MYH11: variants seen among roughly 807,000 people sequenced by gnomAD.
MYH11 encodes the protein myosin-11.
MYH11 carries 80 observed loss-of-function variants against 246.6 expected under a neutral mutation model. The observed-to-expected ratio is 0.32, with a 90% CI of 0.27 to 0.39. The LOEUF is 0.39. Among genes scored for constraint, MYH11 ranks in the 10% least tolerant of loss-of-function variants. MYH11 has a pLI of 1.00. For missense variants in MYH11, 2,158 were observed against 2,546.8 expected, an observed-to-expected ratio of 0.85 and a Z score of 3.29; for synonymous variants, 1,071 against 1,015.5, an observed-to-expected ratio of 1.05 and a Z score of -1.04.
intron 1 of MYH11, among the ~76,000 whole-genome samples, chr16:15,843,507 G>A (rs1283531896): frequency 2.0e-5 from 3 of 150,360 alleles, no homozygotes; most frequent in Non-Finnish European, 4.4e-5. Context: ...TGGCTAACAC[G>A]GCAAAACCCT....
rs1596761069 is a variant in MYH11 at position 15,740,272 on chromosome 16, G to A, written c.2860-84C>T. ...GATCTGGGGACTAATGAATACAGGG[G>A]CTAGGCCTGAAGATGCCCAGAACTC... On this transcript the variant is annotated intron_variant, in intron 22 of 40. Coordinates refer to ENST00000300036, the MANE Select transcript of MYH11 (RefSeq NM_002474.3). The A allele has an allele frequency of 2.5e-6, 4 of 1,597,640 alleles. No homozygotes were observed. The East Asian group carries it at 8.9e-5, about 36-fold the overall frequency.
intron 3 of MYH11, among the ~76,000 whole-genome samples, chr16:15,805,709 C>T (rs930179093): frequency 2.0e-4 from 30 of 151,722 alleles, no homozygotes; most frequent in Non-Finnish European, 3.1e-4. Flanking sequence ...CCCGGGAGTC[C>T]GAAACCAGCC....
chr16:15,834,595 T>C (rs552181527), intron 2 of MYH11, among the ~76,000 whole-genome samples: 1 of 150,448 alleles, frequency 6.6e-6, no homozygotes, highest in East Asian at 1.9e-4. Context: ...AGATCAATAA[T>C]TTTTCCATAC....
chr16:15,736,512 C>G, intron 25 of MYH11, among the ~76,000 whole-genome samples: 1 of 152,180 alleles, frequency 6.6e-6, no homozygotes, highest in Non-Finnish European at 1.5e-5. Context: ...CTGCTGGCCT[C>G]AAGCAATCCC....
intron 37 of MYH11, chr16:15,717,859 C>T: frequency 3.8e-6 from 1 of 265,590 alleles, no homozygotes; most frequent in South Asian, 4.7e-5. Context: ...TTGTCCCTTG[C>T]TTTCTCTGTC....
chr16:15,764,051 C>T (rs1193650452), intron 9 of MYH11, among the ~76,000 whole-genome samples, 160 bp from the exon 10 acceptor site: 1 of 152,142 alleles, frequency 6.6e-6, no homozygotes, highest in Non-Finnish European at 1.5e-5. Flanking sequence ...TGCTTAAAAC[C>T]TTGCATTACA....
rs2040676270 is a variant in MYH11 at position 15,724,937 on chromosome 16, T to G, written c.3914A>C (p.Lys1305Thr). ...MLNEAEGKAIKLAKDVASLSS... is the reference protein window; with the variant it reads ...MLNEAEGKAITLAKDVASLSS... ...GAGGGACGCCACGTCCTTGGCCAGC[T>G]TAATGGCCTTCCCCTCGGCCTCGTT... Residue 1305 changes from lysine to threonine, a missense_variant, in exon 29 of 41, where the codon AAG (lysine) becomes ACG (threonine). Lys to Thr is a moderately conservative substitution (Grantham distance 78, BLOSUM62 -1). This residue lies in a region of MYH11 where 1,013 missense variants were observed against 993.5 expected (regional missense o/e 1.02). Transcript: ENST00000300036. The G allele has an allele frequency of 6.2e-7, 1 of 1,614,052 alleles. No individual in the cohort carries two copies. Among genetic ancestry groups the G allele is most frequent in the Admixed American group, 1.7e-5 (1 of 59,998 alleles).
chr16:15,719,514 A>G (rs1053658636), intron 35 of MYH11, 71 bp downstream of exon 35: 11 of 1,608,122 alleles, frequency 6.8e-6, no homozygotes, highest in Middle Eastern at 4.0e-4. Flanking sequence ...GGGAATGCAC[A>G]GACTGGAGCT....
In MYH11 at chr16:15,741,510, C is replaced by T. The variant is rs1227980651; in HGVS notation, c.2812G>A (p.Gly938Ser). The T allele has an allele frequency of 6.2e-6, 10 of 1,609,384 alleles. No individual in the cohort carries two copies. Among genetic ancestry groups the T allele is most frequent in the Admixed American group, 3.3e-5 (2 of 60,000 alleles). ...EARLEEEEDR[G>S]QQLQAERKKM... ...TTCCTTTCAGCCTGTAGCTGCTGGC[C>T]CCTGTCTTCCTCCTCCTCCAGGCGG... is the stretch of plus-strand genomic sequence containing the variant. Residue 938 changes from glycine to serine, a missense_variant, in exon 22 of 41, where the codon GGC becomes AGC. By Grantham distance (56) the Gly-to-Ser change is moderately conservative. Around this residue, in one of 11 missense-constraint regions of MYH11, gnomAD observed 284 missense variants for 315.4 expected, o/e 0.90. Transcript: ENST00000300036.
chr16:15,714,811 T>C (rs1567683027), intron 40 of MYH11, 98 bp downstream of exon 40: 2 of 1,441,408 alleles, frequency 1.4e-6, no homozygotes, highest in African/African-American at 2.8e-5. Flanking sequence ...GTGGCGGCTG[T>C]GGGCACAAGG....
intron 28 of MYH11, 181 bp downstream of exon 28, chr16:15,726,667 C>G (rs576796759): frequency 1.3e-6 from 1 of 756,978 alleles, no homozygotes; most frequent in African/African-American, 1.7e-5. Flanking sequence ...CGTGCCTGGC[C>G]AGAAGGTTTT....
chr16:15,715,354 T>C, intron 38 of MYH11, 82 bp from the exon 39 acceptor site: 1 of 1,350,302 alleles, frequency 7.4e-7, no homozygotes, highest in East Asian at 2.3e-5. Context: ...GGTGGCATCT[T>C]GAGTGCTTTC....
At position 15,703,163 on chromosome 16, in the gene MYH11, A is replaced by ACCATTTAT. The variant is rs2039278816; in HGVS notation, c.*827_*828insATAAATGG. On this transcript the variant is annotated 3_prime_UTR_variant, in exon 41 of 41. Transcript: ENST00000300036. ...TGATTTATAACCATTTATTAGTGAA[A>ACCATTTAT]GTGTTTTTAAGCACAGTCAGGGTGT... is the stretch of plus-strand genomic sequence containing the variant. The ACCATTTAT allele has an allele frequency of 5.2e-6, 1 of 191,830 alleles. No homozygotes were observed. The highest frequency in any genetic ancestry group is 2.3e-5 in the African/African-American group (1 of 42,976). 11.9% of individuals were successfully genotyped at this position (191,830 alleles called of 1,614,324 possible). A position where few individuals can be genotyped will look rare whatever the true frequency, so the allele number is the denominator to read the frequency against.
At chr16:15,764,134 A>G (rs1432361161) in intron 9 of MYH11, among the ~76,000 whole-genome samples, 1 of 152,168 alleles carries the variant, frequency 6.6e-6, no homozygotes, top group Non-Finnish European at 1.5e-5. Context: ...TTGCTATTAT[A>G]CATAAAGTTT....
At chr16:15,779,161 C>T (rs1271184486) in intron 6 of MYH11, 15 of 433,542 alleles carry the variant, frequency 3.5e-5, no homozygotes, top group Non-Finnish European at 6.5e-5. Flanking sequence ...CAAGGTTTTG[C>T]TCTGTCAGCG....
intron 8 of MYH11, among the ~76,000 whole-genome samples, chr16:15,773,853 TTC>T (rs1181604516): frequency 6.6e-6 from 1 of 152,168 alleles, no homozygotes. Context: ...TAATTAGATA[TTC>T]TGTGTCAAAC....
At chr16:15,755,297 TTGATGA>T (rs61470717) in intron 14 of MYH11, among the ~76,000 whole-genome samples, 1 of 151,986 alleles carries the variant, frequency 6.6e-6, no homozygotes, top group Non-Finnish European at 1.5e-5. Context: ...CCAAGGCATG[TTGATGA>T]TGATGATGAT....
In MYH11 at chr16:15,703,920, G is replaced by T; in HGVS notation, c.*71C>A. The T allele has an allele frequency of 1.9e-6, 3 of 1,604,198 alleles. No homozygotes were observed. Among genetic ancestry groups the T allele is most frequent in the South Asian group, 1.1e-5 (1 of 90,512 alleles). ...GGGTTTTGCTTTGTTCTGGGTTGTT[G>T]TTGGGTTTTTTTTGTTTGTTTGTTT... On this transcript the variant is annotated 3_prime_UTR_variant, in exon 41 of 41. Coordinates refer to ENST00000300036, the MANE Select transcript of MYH11 (RefSeq NM_002474.3).
Position 15,822,898 on chromosome 16 carries a change from A to C in MYH11, c.502+357T>G, listed in dbSNP as rs1596902990. 2.0e-5 allele frequency among the ~76,000 whole-genome samples: 3 copies of C among 152,368 alleles called. No homozygotes were observed. The East Asian group carries it at 5.8e-4, about 29-fold the overall frequency. On this transcript the variant is annotated intron_variant, in intron 3 of 40. Transcript: ENST00000300036. The stretch of plus-strand genomic sequence containing the variant: ...GGAAAAGATATTTACCCACAGTCCC[A>C]CAGGGGTTGAGGGACAGGTAGGTGT...
Sources: gnomAD v4.1 joint callset for allele counts (sites outside exome capture counted in the v4.1 genomes callset) on GRCh38, gnomAD v4.1.1 for gene constraint, gnomAD v4.1.1 regional missense constraint, MANE v1.5 for transcripts, NCBI Gene and HGNC (gene_info 2026-07-23, HGNC 2026-07-21) for gene names.